The following MEMO1 variants were observed in gnomAD, a reference collection of about 807,000 sequenced individuals.
The protein encoded by MEMO1 is protein MEMO1.
In MEMO1, 6 loss-of-function variants were observed where a neutral mutation model predicts 45.2. The observed-to-expected ratio is 0.13, with a 90% CI of 0.07 to 0.26. The LOEUF is 0.26. Ranked by LOEUF, MEMO1 falls within the 10% of genes least tolerant of loss-of-function variation. The pLI is 1.00. For missense variants in MEMO1, 184 were observed against 370.5 expected (o/e 0.50, Z 4.13); for synonymous variants, 78 against 124.3 (o/e 0.63, Z 2.48).
chr2:31,911,660 G>C (rs1422113696), intron 6 of MEMO1, among the ~76,000 whole-genome samples: 2 of 152,172 alleles, frequency 1.3e-5, no homozygotes, highest in Non-Finnish European at 2.9e-5. Flanking sequence ...ATCTAATGTA[G>C]CATTCTCACT....
intron 2 of MEMO1, among the ~76,000 whole-genome samples, chr2:31,958,471 T>C (rs902378172): frequency 6.6e-6 from 1 of 151,844 alleles, no homozygotes; most frequent in Non-Finnish European, 1.5e-5. Context: ...TTAAAAGGAT[T>C]CTACAATGCC....
Position 31,869,967 on chromosome 2 carries a change from A to AG in MEMO1, c.658-16_658-15insC. The AG allele has an allele frequency of 2.8e-6, 4 of 1,446,988 alleles. No homozygotes were observed. The highest frequency in any genetic ancestry group is 2.6e-5 in the Admixed American group (1 of 38,142). The allele number at this position is 1,446,988 out of a possible 1,614,324, so 89.6% of individuals were successfully genotyped here. A position where few individuals can be genotyped will look rare whatever the true frequency, so the allele number is the denominator to read the frequency against. ...ATACTCATACCCTAAAAAAAAAAAA[A>AG]AAGAAGAGGAAGAAAAAAATAAAAG... is the stretch of plus-strand genomic sequence containing the variant. On this transcript the variant is annotated splice_polypyrimidine_tract_variant and intron_variant, in intron 8 of 9. Coordinates refer to ENST00000404530, the MANE Select transcript of MEMO1 (RefSeq NM_001301833.4).
At chr2:31,941,988 A>G (rs1414388696) in intron 3 of MEMO1, among the ~76,000 whole-genome samples, 2 of 152,358 alleles carry the variant, frequency 1.3e-5, no homozygotes, top group South Asian at 2.1e-4. Context: ...ACCTTAACCC[A>G]ATAGAAGTCA....
chr2:31,997,117 G>A (rs531583268), intron 2 of MEMO1, among the ~76,000 whole-genome samples: 2 of 152,058 alleles, frequency 1.3e-5, no homozygotes, highest in South Asian at 2.1e-4. Context: ...TTGAGGTCAG[G>A]GACCTCAATG....
chr2:31,923,974 C>A (rs1468641925), intron 4 of MEMO1, among the ~76,000 whole-genome samples: 1 of 152,154 alleles, frequency 6.6e-6, no homozygotes, highest in African/African-American at 2.4e-5. Flanking sequence ...CCCCACCAAT[C>A]TGAATTAACC....
At chr2:31,963,144 G>A (rs1344209783) in intron 2 of MEMO1, 1 of 1,517,720 alleles carries the variant, frequency 6.6e-7, no homozygotes, top group East Asian at 2.5e-5. Context: ...CCATTTCTTA[G>A]GGCTTCAGAC....
chr2:32,008,444 C>T (rs770264700), intron 2 of MEMO1, among the ~76,000 whole-genome samples: 4 of 152,108 alleles, frequency 2.6e-5, no homozygotes, highest in East Asian at 1.9e-4. Context: ...ATTAGCTGGG[C>T]GTGGTGGCGC....
At chr2:31,985,961 T>A (rs1406358756) in intron 2 of MEMO1, among the ~76,000 whole-genome samples, 2 of 152,172 alleles carry the variant, frequency 1.3e-5, no homozygotes. Context: ...AGATCCCAAC[T>A]CTATTAAGTA....
chr2:31,990,019 A>C (rs545048191), intron 2 of MEMO1, among the ~76,000 whole-genome samples: 1 of 152,276 alleles, frequency 6.6e-6, no homozygotes, highest in Admixed American at 6.5e-5. Context: ...TAGGAAAGTG[A>C]GTAGGAAGGA....
chr2:31,991,146 T>C (rs1314765994), intron 2 of MEMO1, among the ~76,000 whole-genome samples: 2 of 152,224 alleles, frequency 1.3e-5, no homozygotes, highest in East Asian at 1.9e-4. Flanking sequence ...CGTGTGTTTA[T>C]ATATGCATAA....
intron 2 of MEMO1, among the ~76,000 whole-genome samples, chr2:31,962,729 G>A (rs1329285067): frequency 6.6e-6 from 1 of 152,162 alleles, no homozygotes; most frequent in African/African-American, 2.4e-5. Flanking sequence ...TTCATTGACT[G>A]ACAACAATAT....
At chr2:31,933,332 AAAAAAAAAAAAAAAAAATTTATATATAT>A (rs1207900328) in intron 3 of MEMO1, among the ~76,000 whole-genome samples, 3 of 60,038 alleles carry the variant, frequency 5.0e-5, no homozygotes, top group African/African-American at 2.4e-4. Context: ...AAAAAAAAAA[AAAAAAAAAAAAAAAAAATTTATATATAT>A]ATATATATAT....
chr2:31,962,584 C>G (rs1042629190), intron 2 of MEMO1, among the ~76,000 whole-genome samples: 2 of 152,106 alleles, frequency 1.3e-5, no homozygotes, highest in African/African-American at 4.8e-5. Flanking sequence ...GAAAAGGCAT[C>G]TAAAAATTAA....
intron 2 of MEMO1, among the ~76,000 whole-genome samples, chr2:31,965,323 G>GGGAA (rs1002927581): frequency 2.6e-5 from 4 of 151,654 alleles, no homozygotes; most frequent in African/African-American, 9.7e-5. Context: ...GACGGAGGGA[G>GGGAA]GAAGAGAGGG....
chr2:31,984,695 A>T (rs1461243513), intron 2 of MEMO1, among the ~76,000 whole-genome samples: 2 of 152,362 alleles, frequency 1.3e-5, no homozygotes, highest in East Asian at 3.9e-4. Flanking sequence ...AGTCCCAGCC[A>T]GTCGGGAGGC....
At chr2:31,947,803 G>A (rs577021172) in intron 2 of MEMO1, among the ~76,000 whole-genome samples, 1 of 152,194 alleles carries the variant, frequency 6.6e-6, no homozygotes, top group East Asian at 1.9e-4. Context: ...GACAAAACCA[G>A]ACACTAAATA....
chr2:32,006,926 T>C (rs561760264), intron 2 of MEMO1, among the ~76,000 whole-genome samples: 9 of 139,310 alleles, frequency 6.5e-5, no homozygotes, highest in Admixed American at 2.4e-4. Context: ...GATCGTGCCA[T>C]TGCACTCCAC....
At position 31,933,451 on chromosome 2, in the gene MEMO1, A is replaced by C. The variant is rs533297967; in HGVS notation, c.144-1316T>G. On this transcript the variant is annotated intron_variant, in intron 3 of 9. Coordinates refer to ENST00000404530, the MANE Select transcript of MEMO1 (RefSeq NM_001301833.4). ...GAAGAATTATAAGCGAACACAAGGA[A>C]ACTTTTGAGGGTGATGAATATGTTC... 1.3e-4 allele frequency among the ~76,000 whole-genome samples: 19 copies of C among 145,322 alleles called. No individual in the cohort carries two copies. In the South Asian group the frequency reaches 4.2e-3, roughly 32 times the overall value.
chr2:31,971,167 T>C (rs888562224), intron 2 of MEMO1, among the ~76,000 whole-genome samples: 1 of 152,228 alleles, frequency 6.6e-6, no homozygotes, highest in Non-Finnish European at 1.5e-5. Context: ...CAGGATATGT[T>C]TGCTGTTAAA....
Sources: allele counts gnomAD v4.1 joint callset (sites outside exome capture counted in the v4.1 genomes callset), GRCh38; gene constraint gnomAD v4.1.1; transcripts MANE v1.5; gene names NCBI Gene and HGNC (gene_info 2026-07-23, HGNC 2026-07-21).